Variants in SPSB1 observed in about 807,000 individuals in gnomAD.
SPSB1 encodes the protein splA/ryanodine receptor domain and SOCS box containing 1, also known as SPRY domain-containing SOCS box protein 1.
In SPSB1, 8 loss-of-function variants were observed where a neutral mutation model predicts 21.2. The observed-to-expected ratio is 0.38, with a 90% CI of 0.22 to 0.68. SPSB1 has a LOEUF of 0.68. Among genes scored for constraint, SPSB1 ranks in the 30% least tolerant of loss-of-function variants. SPSB1 has a pLI of 0.53. For missense variants in SPSB1, 242 were observed against 377.8 expected (o/e 0.64, Z 2.98); for synonymous variants, 169 against 161.7 (o/e 1.05, Z -0.34).
chr1:9,318,975 A>G (rs1359908813), intron 1 of SPSB1, among the ~76,000 whole-genome samples: 1 of 81,438 alleles, frequency 1.2e-5, no homozygotes, highest in Non-Finnish European at 2.4e-5. Flanking sequence ...ACATCACCTG[A>G]GGTCATGCCT....
At chr1:9,311,467 CAACAAATATT>C (rs1157268128) in intron 1 of SPSB1, among the ~76,000 whole-genome samples, 2 of 152,168 alleles carry the variant, frequency 1.3e-5, no homozygotes, top group Non-Finnish European at 1.5e-5. Context: ...CACCCAGCAC[CAACAAATATT>C]CGCTGGTCTC....
chr1:9,325,135 C>G (rs995633891), intron 1 of SPSB1, among the ~76,000 whole-genome samples: 112 of 152,120 alleles, frequency 7.4e-4, no homozygotes, highest in Non-Finnish European at 8.8e-5. Flanking sequence ...TGTGCTCTCA[C>G]TGTAGACTGG....
intron 1 of SPSB1, among the ~76,000 whole-genome samples, chr1:9,338,473 T>C (rs1448853526): frequency 6.6e-6 from 1 of 152,238 alleles, no homozygotes; most frequent in African/African-American, 2.4e-5. Flanking sequence ...AGGACAGCAC[T>C]TGCTGGGGAG....
intron 1 of SPSB1, among the ~76,000 whole-genome samples, chr1:9,299,531 G>A (rs1458933411): frequency 1.3e-5 from 2 of 152,124 alleles, no homozygotes; most frequent in African/African-American, 2.4e-5. Context: ...CTAGGCTGGA[G>A]TGCAATGGTG....
At chr1:9,329,268 AG>A (rs2100490786) in intron 1 of SPSB1, among the ~76,000 whole-genome samples, 1 of 152,146 alleles carries the variant, frequency 6.6e-6, no homozygotes, top group South Asian at 2.1e-4. Context: ...GAGGGAGGAA[AG>A]GTGAGATCCC....
chr1:9,351,298 G>A (rs1246618035), intron 1 of SPSB1: 1 of 152,284 alleles, frequency 6.6e-6, no homozygotes, highest in Non-Finnish European at 1.5e-5. Flanking sequence ...AAGTCCTTGG[G>A]TCTTGGCCCA....
rs569944424 is a variant in SPSB1, at chr1:9,318,701, GTTC to G, written c.-150+25635_-150+25637del. Among the ~76,000 whole-genome samples, 506 of 152,352 alleles carry G rather than the reference GTTC, an allele frequency of 3.3e-3. 2 individuals carry two copies. Among genetic ancestry groups the G allele is most frequent in the Non-Finnish European group, 4.5e-3 (307 of 68,042 alleles). On this transcript the variant is annotated intron_variant, in intron 1 of 2. Transcript: ENST00000328089. Reference sequence around the variant, plus strand: ...AGCTGTTTCCACCATTCAGAGGGTTGTTCTTCTGTCCATTCAGCAATTCGGGCA... The same window carrying G: ...AGCTGTTTCCACCATTCAGAGGGTTGTTCTGTCCATTCAGCAATTCGGGCA...
At position 9,307,001 on chromosome 1, in the gene SPSB1, C is replaced by T. The variant is rs1639424919; in HGVS notation, c.-150+13930C>T. Among the ~76,000 whole-genome samples, 3 of 151,058 alleles carry T rather than the reference C, an allele frequency of 2.0e-5. No homozygotes were observed. In the South Asian group the frequency reaches 6.2e-4, roughly 31 times the overall value. ...AGGGTGCAGCGGCACAGTCTCAGCT[C>T]ACTGCAGCCTCCGCCTCCCAGGTTC... On this transcript the variant is annotated intron_variant, in intron 1 of 2. Coordinates refer to ENST00000328089, the MANE Select transcript of SPSB1 (RefSeq NM_025106.4).
intron 2 of SPSB1, among the ~76,000 whole-genome samples, chr1:9,361,156 C>CCTTTTTTTTTTTTTTTTTTT (rs1553128958): frequency 0.012 from 1,268 of 102,024 alleles, 101 homozygotes; most frequent in East Asian, 0.015. Context: ...CTGTCATTTT[C>CCTTTTTTTTTTTTTTTTTTT]TTTTTTTTTT....
At position 9,293,994 on chromosome 1, in the gene SPSB1, GTGTC is replaced by G. The variant is rs752630317; in HGVS notation, c.-150+928_-150+931del. ...CCTCTGAGTGTGTGTGTGAGTCTGTGTGTCTGTCAATGTGTGCCTGAGACTCTAA... is the reference window on the plus strand; with the variant it reads ...CCTCTGAGTGTGTGTGTGAGTCTGTGTGTCAATGTGTGCCTGAGACTCTAA... On this transcript the variant is annotated intron_variant, in intron 1 of 2. Coordinates refer to ENST00000328089, the MANE Select transcript of SPSB1 (RefSeq NM_025106.4). The surrounding 1 kb of genome is among the most constrained non-coding windows in gnomAD (Gnocchi z 5.1). Among the ~76,000 whole-genome samples, 31 of 152,092 alleles carry G rather than the reference GTGTC, an allele frequency of 2.0e-4. No homozygotes were observed. The highest frequency in any genetic ancestry group is 3.4e-3 in the Middle Eastern group (1 of 294).
In SPSB1 at chr1:9,367,788, G is replaced by A; in HGVS notation, c.*213G>A. On this transcript the variant is annotated 3_prime_UTR_variant, in exon 3 of 3. Transcript: ENST00000328089. This position sits in a 1 kb window ranked among gnomAD's most constrained non-coding sequence, Gnocchi z 5.9. ...TCCCCCTTCCCGACATCAGCAGAAG[G>A]CAGCATCCCTGCATGCCGTCCGTAT... The A allele has an allele frequency of 5.9e-6, 4 of 677,988 alleles. No homozygotes were observed. Among genetic ancestry groups the A allele is most frequent in the Non-Finnish European group, 9.7e-6 (4 of 412,174 alleles). The allele number at this position is 677,988 out of a possible 1,614,324, so 42.0% of individuals were successfully genotyped here.
intron 1 of SPSB1, among the ~76,000 whole-genome samples, chr1:9,314,222 G>GA (rs1639572810): frequency 6.6e-6 from 1 of 151,872 alleles, no homozygotes; most frequent in African/African-American, 2.4e-5. Flanking sequence ...GGGACAGCTG[G>GA]AAAATACCCC....
chr1:9,356,036 G>A lies in SPSB1; in HGVS notation c.145G>A (p.Asp49Asn), dbSNP rs779380677. The change falls in exon 2 of 3, where the codon GAT becomes AAT. Residue 49 changes from aspartate (D) to asparagine (N), a missense_variant. Physicochemically the swap from Asp to Asn is conservative, Grantham distance 23. Coordinates refer to ENST00000328089, the MANE Select transcript of SPSB1 (RefSeq NM_025106.4). This position sits in a 1 kb window ranked among gnomAD's most constrained non-coding sequence, Gnocchi z 7.4. ...ACTGGACATGCCCCCTGTGTCCTAT[G>A]ATGTCCAGCTGCTGCATTCATGGAA... is the stretch of plus-strand genomic sequence containing the variant. The part of the protein sequence containing the change: ...LLLDMPPVSY[D>N]VQLLHSWNNN... The A allele has an allele frequency of 1.2e-6, 2 of 1,614,156 alleles. No homozygotes were observed. Among genetic ancestry groups the A allele is most frequent in the Admixed American group, 3.3e-5 (2 of 60,028 alleles).
intron 1 of SPSB1, among the ~76,000 whole-genome samples, chr1:9,299,671 G>A (rs1020729616): frequency 6.6e-6 from 1 of 152,050 alleles, no homozygotes; most frequent in African/African-American, 2.4e-5. Flanking sequence ...TAGAGACAGG[G>A]TTTCACTATG....
chr1:9,359,847 C>CG (rs1553128808), intron 2 of SPSB1, among the ~76,000 whole-genome samples: 19,873 of 105,366 alleles, frequency 0.19, 2,119 homozygotes, highest in African/African-American at 0.32. Flanking sequence ...GGATGGAAGC[C>CG]GGGGGGGTGG....
At chr1:9,326,204 C>A (rs187086356) in intron 1 of SPSB1, among the ~76,000 whole-genome samples, 1 of 152,212 alleles carries the variant, frequency 6.6e-6, no homozygotes, top group East Asian at 1.9e-4. Context: ...CATGAGAAGA[C>A]TTCTTCAATA....
chr1:9,308,861 T>G (rs1009298459), intron 1 of SPSB1, among the ~76,000 whole-genome samples: 23 of 152,268 alleles, frequency 1.5e-4, no homozygotes, highest in Non-Finnish European at 3.1e-4. Context: ...TCCTGTTGAT[T>G]GGGCACCTGC....
At chr1:9,311,792 A>G (rs927837585) in intron 1 of SPSB1, among the ~76,000 whole-genome samples, 2 of 150,432 alleles carry the variant, frequency 1.3e-5, no homozygotes, top group Non-Finnish European at 3.0e-5. Flanking sequence ...TGGGACCTCT[A>G]TTTTCTCCCT....
In SPSB1 at chr1:9,292,933, A is replaced by G. The variant is rs1639142699; in HGVS notation, c.-288A>G. On this transcript the variant is annotated 5_prime_UTR_variant, in exon 1 of 3. Coordinates refer to ENST00000328089, the MANE Select transcript of SPSB1 (RefSeq NM_025106.4). ...CTCGGGCAGCCTGCGCGCTCGCAGCAGGAACCAGGCTCCAGGCGCCGGCGC... is the reference window on the plus strand; with the variant it reads ...CTCGGGCAGCCTGCGCGCTCGCAGCGGGAACCAGGCTCCAGGCGCCGGCGC... The G allele has an allele frequency of 3.2e-6, 3 of 950,486 alleles. No individual in the cohort carries two copies. The highest frequency in any genetic ancestry group is 5.1e-5 in the South Asian group (1 of 19,718). 58.9% of individuals were successfully genotyped at this position (950,486 alleles called of 1,614,324 possible).
Sources: gnomAD v4.1 joint callset for allele counts (sites outside exome capture counted in the v4.1 genomes callset) on GRCh38, gnomAD v4.1.1 for gene constraint, Gnocchi (gnomAD v3.1) non-coding constraint, MANE v1.5 for transcripts, NCBI Gene and HGNC (gene_info 2026-07-23, HGNC 2026-07-21) for gene names.